The following BCL11A variants were observed in gnomAD, a reference collection of about 807,000 sequenced individuals.
The protein encoded by BCL11A is B cell CLL/lymphoma 11A.
A neutral mutation model predicts 55.9 loss-of-function variants in BCL11A; 2 were observed. That is an observed-to-expected ratio of 0.04 (90% CI 0.01 to 0.11). The LOEUF (loss-of-function observed/expected upper bound fraction) is 0.11, where lower values mean the gene tolerates loss of function less well. BCL11A is among the 10% of genes least tolerant of loss of function. BCL11A has a pLI of 1.00. For synonymous variants in BCL11A, 465 were observed against 473.4 expected (o/e 0.98, Z 0.23); for missense variants, 817 against 1,137.1 (o/e 0.72, Z 4.05).
intron 3 of BCL11A, 150 bp from the exon 4 acceptor site, chr2:60,462,574 C>T (rs1424731061): frequency 1.5e-6 from 2 of 1,368,608 alleles, no homozygotes; most frequent in Non-Finnish European, 1.9e-6. Flanking sequence ...GTGCCTGGCA[C>T]GTCTGAGCAT....
chr2:60,533,729 A>C (rs1408468421), intron 2 of BCL11A: 1 of 152,206 alleles, frequency 6.6e-6, no homozygotes, highest in Non-Finnish European at 1.5e-5. Flanking sequence ...ACACACACAA[A>C]TAAAAAGCCC....
rs533120574 is a variant in BCL11A, at chr2:60,458,063, A to G, written c.*2341T>C. On this transcript the variant is annotated 3_prime_UTR_variant, in exon 4 of 4. Coordinates refer to ENST00000642384, the MANE Select transcript of BCL11A (RefSeq NM_022893.4). Reference sequence around the variant, plus strand: ...TTTTTTCCACTACCAAAAAAGGTACATTGATACCTTTTAAGAGAACAAGCA... The same window carrying G: ...TTTTTTCCACTACCAAAAAAGGTACGTTGATACCTTTTAAGAGAACAAGCA... 1 of 1,033,990 alleles carries G rather than the reference A, an allele frequency of 9.7e-7. No individual in the cohort carries two copies. The highest frequency in any genetic ancestry group is 1.2e-6 in the Non-Finnish European group (1 of 858,978). The allele number at this position is 1,033,990 out of a possible 1,614,324, so 64.1% of individuals were successfully genotyped here. A position where few individuals can be genotyped will look rare whatever the true frequency, so the allele number is the denominator to read the frequency against.
intron 2 of BCL11A, among the ~76,000 whole-genome samples, chr2:60,471,719 G>A (rs999049175): frequency 2.0e-5 from 3 of 152,132 alleles, no homozygotes; most frequent in African/African-American, 7.2e-5. Flanking sequence ...GCTAGGAAGT[G>A]GGTGATCTAG....
chr2:60,486,746 G>T (rs1201950709), intron 2 of BCL11A, among the ~76,000 whole-genome samples: 1 of 152,164 alleles, frequency 6.6e-6, no homozygotes, highest in African/African-American at 2.4e-5. Context: ...GTTGACAGAG[G>T]TATTACAGTG....
chr2:60,502,375 C>G (rs2104413921), intron 2 of BCL11A, among the ~76,000 whole-genome samples: 1 of 152,286 alleles, frequency 6.6e-6, no homozygotes, highest in Non-Finnish European at 1.5e-5. Flanking sequence ...AAAAATAAAC[C>G]ATCGGAAAAA....
intron 2 of BCL11A, among the ~76,000 whole-genome samples, chr2:60,511,184 C>T (rs1199576585): frequency 6.6e-6 from 1 of 152,230 alleles, no homozygotes; most frequent in Non-Finnish European, 1.5e-5. Flanking sequence ...TCAGATTCTC[C>T]CTCCTCCTGG....
intron 3 of BCL11A, among the ~76,000 whole-genome samples, chr2:60,467,096 ATGATGGTGG>A (rs1235931273): frequency 1.8e-5 from 2 of 113,736 alleles, no homozygotes; most frequent in Non-Finnish European, 3.9e-5. Context: ...GGTGGTGGTG[ATGATGGTGG>A]TGGTAGTGGT....
rs551904769 is a variant in BCL11A at position 60,552,183 on chromosome 2, G to T, written c.55+1033C>A. 2.7e-3 allele frequency among the ~76,000 whole-genome samples: 417 copies of T among 152,036 alleles called. 1 individual carries two copies. The highest frequency in any genetic ancestry group is 9.4e-3 in the African/African-American group (390 of 41,452). The stretch of plus-strand genomic sequence containing the variant: ...CAAAGAGAAGGCCGTCACAGAAAAG[G>T]GTTGGCAGAGCGTTTGGCTTCGGTT... On this transcript the variant is annotated intron_variant, in intron 1 of 3. Coordinates refer to ENST00000642384, the MANE Select transcript of BCL11A (RefSeq NM_022893.4).
downstream of BCL11A, chr2:60,450,826 G>A (rs528432782): frequency 2.6e-5 from 4 of 152,438 alleles, no homozygotes; most frequent in East Asian, 5.8e-4. Context: ...CTGTTGGTAG[G>A]AAGAGGCAAC....
Position 60,533,677 on chromosome 2 carries a change from G to A in BCL11A, c.385+12294C>T, listed in dbSNP as rs529974495. ...GAATCAATTATGCATGCAGTTGGCC[G>A]GAGACCAAAGGCTGTGAAGTCGGAG... On this transcript the variant is annotated intron_variant, in intron 2 of 3. Coordinates refer to ENST00000642384, the MANE Select transcript of BCL11A (RefSeq NM_022893.4). The A allele has an allele frequency of 1.2e-4, 18 of 152,244 alleles. 1 individual carries two copies. Among genetic ancestry groups the A allele is most frequent in the African/African-American group, 4.1e-4 (17 of 41,546 alleles). 9.4% of individuals were successfully genotyped at this position (152,244 alleles called of 1,614,324 possible). A position where few individuals can be genotyped will look rare whatever the true frequency, so the allele number is the denominator to read the frequency against.
At position 60,458,876 on chromosome 2, in the gene BCL11A, A is replaced by T. The variant is rs1324880268; in HGVS notation, c.*1528T>A. 1 of 1,028,842 alleles carries T rather than the reference A, an allele frequency of 9.7e-7. No individual in the cohort carries two copies. Among genetic ancestry groups the T allele is most frequent in the Non-Finnish European group, 1.2e-6 (1 of 854,558 alleles). 63.7% of individuals were successfully genotyped at this position (1,028,842 alleles called of 1,614,324 possible). On this transcript the variant is annotated 3_prime_UTR_variant, in exon 4 of 4. Coordinates refer to ENST00000642384, the MANE Select transcript of BCL11A (RefSeq NM_022893.4). The stretch of plus-strand genomic sequence containing the variant: ...ATAAAAAAGAAAAAATTAAAAAAAT[A>T]AAAATAAAAACAATGAATCCTCTTC...
intron 2 of BCL11A, among the ~76,000 whole-genome samples, chr2:60,484,651 C>T (rs1201836832): frequency 6.6e-6 from 1 of 151,704 alleles, no homozygotes; most frequent in Non-Finnish European, 1.5e-5. Context: ...CAACATGGCT[C>T]ACGTGTTTTT....
chr2:60,500,250 G>C (rs189803290), intron 2 of BCL11A, among the ~76,000 whole-genome samples: 2 of 152,196 alleles, frequency 1.3e-5, no homozygotes, highest in African/African-American at 4.8e-5. Flanking sequence ...CGGTGGTCTT[G>C]AGAGTGAAAG....
intron 2 of BCL11A, among the ~76,000 whole-genome samples, chr2:60,473,257 A>G (rs1189746439): frequency 7.3e-6 from 1 of 137,676 alleles, no homozygotes; most frequent in Non-Finnish European, 1.6e-5. Context: ...TTTTTTTTTC[A>G]GTGAGACAGG....
intron 3 of BCL11A, among the ~76,000 whole-genome samples, chr2:60,465,863 G>A (rs765620161): frequency 1.3e-5 from 2 of 152,144 alleles, no homozygotes; most frequent in African/African-American, 4.8e-5. Flanking sequence ...TACACACCCC[G>A]AACGGCTTCC....
intron 1 of BCL11A, among the ~76,000 whole-genome samples, chr2:60,551,246 C>T (rs969082273): frequency 5.3e-5 from 8 of 152,252 alleles, no homozygotes; most frequent in African/African-American, 1.7e-4. Flanking sequence ...GCCCGCCTTT[C>T]CAGGCGCAGT....
At chr2:60,537,213 T>C (rs1042610351) in intron 2 of BCL11A, 26 of 152,352 alleles carry the variant, frequency 1.7e-4, no homozygotes, top group African/African-American at 5.8e-4. Flanking sequence ...AGGTTACGAT[T>C]TATTATTAAA....
At chr2:60,535,545 C>T (rs965224994) in intron 2 of BCL11A, 1 of 152,248 alleles carries the variant, frequency 6.6e-6, no homozygotes, top group South Asian at 2.1e-4. Context: ...TTCCAAAAAG[C>T]CTTTTCCCCC....
intron 1 of BCL11A, 146 bp downstream of exon 1, chr2:60,553,070 C>T: frequency 1.3e-6 from 1 of 773,500 alleles, no homozygotes; most frequent in Non-Finnish European, 1.9e-6. Flanking sequence ...CCCCCTTTAT[C>T]TCTTTTACCT....
Sources: allele counts gnomAD v4.1 joint callset (sites outside exome capture counted in the v4.1 genomes callset), GRCh38; gene constraint gnomAD v4.1.1; transcripts MANE v1.5; gene names NCBI Gene and HGNC (gene_info 2026-07-23, HGNC 2026-07-21).